Variants in SLIT2 observed in about 807,000 individuals in gnomAD.
SLIT2 encodes the protein slit guidance ligand 2.
A neutral mutation model predicts 185.7 loss-of-function variants in SLIT2; 41 were observed. The observed-to-expected ratio is 0.22, with a 90% confidence interval of 0.17 to 0.29. The LOEUF is 0.29. SLIT2 is among the 10% of genes least tolerant of loss of function. SLIT2 has a pLI of 1.00. For synonymous variants in SLIT2, 693 were observed against 680.2 expected (o/e 1.02, Z -0.29); for missense variants, 1,571 against 1,909.0 (o/e 0.82, Z 3.30).
chr4:20,398,784 CATTA>C (rs1487380325), intron 4 of SLIT2, among the ~76,000 whole-genome samples: 1 of 151,632 alleles, frequency 6.6e-6, no homozygotes, highest in African/African-American at 2.4e-5. Context: ...TTATAATTTC[CATTA>C]ATTCTGGAAT....
chr4:20,618,183 C>A (rs1361520895), intron 36 of SLIT2, among the ~76,000 whole-genome samples: 2 of 152,164 alleles, frequency 1.3e-5, no homozygotes, highest in Non-Finnish European at 2.9e-5. Context: ...TCCTCCTTCT[C>A]CTTTGTCTGC....
At chr4:20,309,855 G>C (rs1717927278) in intron 4 of SLIT2, among the ~76,000 whole-genome samples, 1 of 148,806 alleles carries the variant, frequency 6.7e-6, no homozygotes, top group Non-Finnish European at 1.5e-5. Flanking sequence ...CGCCTCCCGG[G>C]TTCATGCCAT....
chr4:20,414,501 G>C (rs186416209), intron 4 of SLIT2, among the ~76,000 whole-genome samples: 41 of 152,126 alleles, frequency 2.7e-4, no homozygotes, highest in Admixed American at 1.6e-3. Flanking sequence ...ATTTCAGCCT[G>C]AATGACTCCT....
intron 11 of SLIT2, among the ~76,000 whole-genome samples, chr4:20,519,155 A>G (rs1720593181): frequency 6.6e-6 from 1 of 152,190 alleles, no homozygotes; most frequent in Non-Finnish European, 1.5e-5. Context: ...ATATACATAT[A>G]TAAAATGTTC....
chr4:20,500,639 ATTAT>A (rs1329802997), intron 9 of SLIT2, among the ~76,000 whole-genome samples: 6 of 152,170 alleles, frequency 3.9e-5, no homozygotes, highest in Non-Finnish European at 8.8e-5. Flanking sequence ...AAAATGTTAA[ATTAT>A]TTATTTCACT....
At chr4:20,479,184 T>C (rs1274150217) in intron 5 of SLIT2, among the ~76,000 whole-genome samples, 1 of 152,176 alleles carries the variant, frequency 6.6e-6, no homozygotes, top group Non-Finnish European at 1.5e-5. Context: ...TTGTGTATGA[T>C]TGTGTCCCCT....
intron 4 of SLIT2, among the ~76,000 whole-genome samples, chr4:20,296,100 A>G (rs1039470947): frequency 1.1e-4 from 17 of 152,262 alleles, no homozygotes; most frequent in African/African-American, 4.1e-4. Context: ...AAGACTAACA[A>G]GCTAGACAAA....
intron 4 of SLIT2, among the ~76,000 whole-genome samples, chr4:20,362,265 T>C (rs1233255412): frequency 1.3e-5 from 2 of 152,048 alleles, no homozygotes; most frequent in Non-Finnish European, 2.9e-5. Flanking sequence ...TGGTTGGGGC[T>C]TGGAGTCAGT....
At chr4:20,322,354 C>T (rs796728159) in intron 4 of SLIT2, among the ~76,000 whole-genome samples, 5 of 152,150 alleles carry the variant, frequency 3.3e-5, no homozygotes, top group African/African-American at 1.2e-4. Context: ...TTGATTCGGT[C>T]CAGAAACGCA....
chr4:20,574,563 G>A (rs923031443), intron 29 of SLIT2, among the ~76,000 whole-genome samples: 1 of 152,094 alleles, frequency 6.6e-6, no homozygotes, highest in East Asian at 1.9e-4. Flanking sequence ...GAGGCAGGTG[G>A]ATCCTTTGAG....
At chr4:20,406,023 G>T (rs1349089130) in intron 4 of SLIT2, among the ~76,000 whole-genome samples, 1 of 120,494 alleles carries the variant, frequency 8.3e-6, no homozygotes, top group African/African-American at 2.5e-5. Flanking sequence ...AGCTAATTCA[G>T]CCCTTGTATG....
At chr4:20,551,779 A>G (rs1273105285) in intron 25 of SLIT2, among the ~76,000 whole-genome samples, 1 of 152,186 alleles carries the variant, frequency 6.6e-6, no homozygotes, top group East Asian at 1.9e-4. Flanking sequence ...CTCCAAGAAG[A>G]TACGATTTTA....
Position 20,253,785 on chromosome 4 carries a change from G to T in SLIT2, c.-31G>T, listed in dbSNP as rs1157914285. On this transcript the variant is annotated 5_prime_UTR_variant, in exon 1 of 37. Coordinates refer to ENST00000504154, the MANE Select transcript of SLIT2 (RefSeq NM_004787.4). ...AGCAGCAAGCTAAAGAAAGCCCCCA[G>T]TGCCGGCGAGGAAGGAGGCGGCGGG... The T allele has an allele frequency of 6.3e-7, 1 of 1,594,846 alleles. No individual in the cohort carries two copies. Among genetic ancestry groups the T allele is most frequent in the South Asian group, 1.1e-5 (1 of 90,658 alleles).
chr4:20,521,082 A>G (rs931758731), intron 12 of SLIT2, among the ~76,000 whole-genome samples: 22 of 152,306 alleles, frequency 1.4e-4, no homozygotes, highest in Middle Eastern at 6.8e-3. Context: ...CTTACTCTCC[A>G]TGCCAGTTAT....
intron 5 of SLIT2, among the ~76,000 whole-genome samples, chr4:20,470,577 G>T (rs1046996446): frequency 1.9e-4 from 28 of 144,600 alleles, no homozygotes; most frequent in Middle Eastern, 3.5e-3. Flanking sequence ...TGTTTTTTTT[G>T]TTTTGTTTTG....
chr4:20,590,942 A>G (rs1055608845), intron 30 of SLIT2, among the ~76,000 whole-genome samples: 1 of 152,202 alleles, frequency 6.6e-6, no homozygotes, highest in East Asian at 1.9e-4. Flanking sequence ...GAAATTTTAT[A>G]GTTTATTAAC....
At chr4:20,312,491 T>C (rs1303312571) in intron 4 of SLIT2, among the ~76,000 whole-genome samples, 5 of 152,008 alleles carry the variant, frequency 3.3e-5, no homozygotes, top group African/African-American at 1.2e-4. Context: ...AGAAAACATA[T>C]GGCTGGGTGC....
chr4:20,279,517 T>C (rs1714513494), intron 4 of SLIT2, among the ~76,000 whole-genome samples: 1 of 152,176 alleles, frequency 6.6e-6, no homozygotes, highest in African/African-American at 2.4e-5. Context: ...AGACTATTGA[T>C]TCTATGGTAC....
intron 4 of SLIT2, among the ~76,000 whole-genome samples, chr4:20,323,194 A>G (rs1283355900): frequency 1.5e-5 from 2 of 129,048 alleles, no homozygotes; most frequent in Admixed American, 7.6e-5. Flanking sequence ...AAATAATTTC[A>G]GCTAAAAAAT....
Sources: gnomAD v4.1 joint callset for allele counts (sites outside exome capture counted in the v4.1 genomes callset) on GRCh38, gnomAD v4.1.1 for gene constraint, MANE v1.5 for transcripts, NCBI Gene and HGNC (gene_info 2026-07-23, HGNC 2026-07-21) for gene names.